Variants in ARK2N observed in about 807,000 individuals in gnomAD.
ARK2N encodes the protein arkadia (RNF111) N-terminal like PKA signaling regulator 2N.
chr18:46,196,539 G>A, the ARK2N span, among the ~76,000 whole-genome samples: 1 of 152,214 alleles, frequency 6.6e-6, no homozygotes, highest in Non-Finnish European at 1.5e-5. Flanking sequence ...GGGATTACAG[G>A]TGTGAACCAC....
chr18:46,256,327 T>G, the ARK2N span, among the ~76,000 whole-genome samples: 1 of 152,234 alleles, frequency 6.6e-6, no homozygotes, highest in Non-Finnish European at 1.5e-5. Context: ...TATTGTTTCC[T>G]TATGCCTAGA....
the ARK2N span, among the ~76,000 whole-genome samples, chr18:46,228,122 A>G: frequency 6.6e-6 from 1 of 151,974 alleles, no homozygotes; most frequent in Admixed American, 6.5e-5. Context: ...TAAGTTTTAC[A>G]TCAACAGGAA....
chr18:46,252,692 G>C, the ARK2N span, among the ~76,000 whole-genome samples: 1 of 152,072 alleles, frequency 6.6e-6, no homozygotes, highest in Non-Finnish European at 1.5e-5. Context: ...GGGTAAATGA[G>C]AATTTGTACT....
chr18:46,195,108 A>G, the ARK2N span, among the ~76,000 whole-genome samples: 2 of 151,782 alleles, frequency 1.3e-5, no homozygotes, highest in Admixed American at 1.3e-4. Context: ...GGCCTCAAAT[A>G]TATTTTCAAA....
the ARK2N span, among the ~76,000 whole-genome samples, chr18:46,227,368 A>C: frequency 2.0e-5 from 3 of 152,336 alleles, no homozygotes; most frequent in East Asian, 5.8e-4. Flanking sequence ...ACATATTTGT[A>C]ACTTGTAAAT....
chr18:46,261,677 ACTACATAGCCCAT>A, the ARK2N span, among the ~76,000 whole-genome samples: 1 of 152,180 alleles, frequency 6.6e-6, no homozygotes, highest in Non-Finnish European at 1.5e-5. Context: ...TGGGTTAGTA[ACTACATAGCCCAT>A]CTCTGGACAG....
the ARK2N span, chr18:46,229,000 A>G: frequency 1.3e-5 from 5 of 386,646 alleles, no homozygotes; most frequent in African/African-American, 8.3e-5. Context: ...AAGTTTTGGC[A>G]GAAAGATAAG....
chr18:46,260,151 A>C, the ARK2N span, among the ~76,000 whole-genome samples: 5 of 152,236 alleles, frequency 3.3e-5, no homozygotes, highest in Non-Finnish European at 7.3e-5. Flanking sequence ...AGTACTTAAA[A>C]GGCAATTCAT....
At chr18:46,239,563 C>T in the ARK2N span, among the ~76,000 whole-genome samples, 1 of 152,148 alleles carries the variant, frequency 6.6e-6, no homozygotes, top group African/African-American at 2.4e-5. Context: ...TCTGAATCTA[C>T]TAGAGACTTT....
the ARK2N span, among the ~76,000 whole-genome samples, chr18:46,237,352 T>C: frequency 2.0e-5 from 3 of 151,794 alleles, no homozygotes; most frequent in African/African-American, 7.3e-5. Context: ...CTAATATTTG[T>C]ATAGTAGCTC....
the ARK2N span, among the ~76,000 whole-genome samples, chr18:46,178,462 G>GC: frequency 6.6e-6 from 1 of 152,170 alleles, no homozygotes; most frequent in East Asian, 1.9e-4. Context: ...GCAGGCATGT[G>GC]CCGTCATGCC....
At chr18:46,263,097 C>T in the ARK2N span, 2 of 1,612,674 alleles carry the variant, frequency 1.2e-6, no homozygotes, top group South Asian at 1.1e-5. Flanking sequence ...ATGAGGATAG[C>T]AGGCGTAAAT....
the ARK2N span, chr18:46,218,067 A>T: frequency 6.6e-6 from 1 of 152,192 alleles, no homozygotes; most frequent in East Asian, 1.9e-4. Flanking sequence ...GCAGGATTTT[A>T]TGTAACTACC....
chr18:46,180,253 T>C, the ARK2N span, among the ~76,000 whole-genome samples: 4 of 152,240 alleles, frequency 2.6e-5, no homozygotes, highest in African/African-American at 9.6e-5. Flanking sequence ...TTAAATAATT[T>C]TAAAACCTAC....
the ARK2N span, among the ~76,000 whole-genome samples, chr18:46,196,330 C>T: frequency 1.3e-5 from 2 of 150,842 alleles, no homozygotes; most frequent in Non-Finnish European, 2.9e-5. Context: ...GGCGTGATCT[C>T]GGCTCACTGC....
At chr18:46,229,949 CAG>C in the ARK2N span, among the ~76,000 whole-genome samples, 1 of 150,816 alleles carries the variant, frequency 6.6e-6, no homozygotes, top group Non-Finnish European at 1.5e-5. Context: ...GTTTTTGAGA[CAG>C]AGTCTCGCTT....
chr18:46,248,453 A>G, the ARK2N span, among the ~76,000 whole-genome samples: 5 of 152,148 alleles, frequency 3.3e-5, no homozygotes, highest in Non-Finnish European at 5.9e-5. Flanking sequence ...AGGTGCTTAT[A>G]TTTTGTAGGT....
At chr18:46,209,830 G>A in the ARK2N span, among the ~76,000 whole-genome samples, 2 of 152,096 alleles carry the variant, frequency 1.3e-5, no homozygotes, top group Admixed American at 6.5e-5. Context: ...CCCTGACCTC[G>A]TGATCCGCCT....
chr18:46,220,201 C>T, the ARK2N span, among the ~76,000 whole-genome samples: 1 of 152,120 alleles, frequency 6.6e-6, no homozygotes, highest in Non-Finnish European at 1.5e-5. Flanking sequence ...GTTTGTTTGC[C>T]TTTGAAAATC....
Sources: allele counts gnomAD v4.1 joint callset (sites outside exome capture counted in the v4.1 genomes callset), GRCh38; gene constraint gnomAD v4.1.1; transcripts MANE v1.5; gene names NCBI Gene and HGNC (gene_info 2026-07-23, HGNC 2026-07-21).